Variants in ARHGAP10 observed in about 807,000 individuals in gnomAD.
The protein encoded by ARHGAP10 is rho GTPase-activating protein 10.
A neutral mutation model predicts 108.6 loss-of-function variants in ARHGAP10; 87 were observed. The observed-to-expected ratio is 0.80, with a 90% CI of 0.67 to 0.96. ARHGAP10 has a LOEUF of 0.96. Among genes scored for constraint, ARHGAP10 ranks in the 40% least tolerant of loss-of-function variants. The pLI, the probability that ARHGAP10 is intolerant of heterozygous loss-of-function variation, is 0.00. For missense variants in ARHGAP10, 939 were observed against 954.5 expected, an observed-to-expected ratio of 0.98 and a Z score of 0.21; for synonymous variants, 347 against 341.1, an observed-to-expected ratio of 1.02 and a Z score of -0.19.
intron 18 of ARHGAP10, among the ~76,000 whole-genome samples, chr4:148,021,320 A>C (rs1741560514): frequency 6.6e-6 from 1 of 152,156 alleles, no homozygotes; most frequent in South Asian, 2.1e-4. Context: ...GAGGTGGGGC[A>C]GTTTTCAGCA....
chr4:147,823,690 G>A (rs1459833490), intron 3 of ARHGAP10, among the ~76,000 whole-genome samples: 1 of 152,152 alleles, frequency 6.6e-6, no homozygotes, highest in African/African-American at 2.4e-5. Context: ...CCAGGAGGCT[G>A]AGGTTGCAGT....
At chr4:147,813,281 C>G (rs572444022) in intron 1 of ARHGAP10, among the ~76,000 whole-genome samples, 1 of 152,216 alleles carries the variant, frequency 6.6e-6, no homozygotes, top group African/African-American at 2.4e-5. Flanking sequence ...TACTTCACAG[C>G]TCCTGTGAAG....
At chr4:147,906,157 A>G (rs1283191294) in intron 10 of ARHGAP10, among the ~76,000 whole-genome samples, 3 of 152,156 alleles carry the variant, frequency 2.0e-5, no homozygotes, top group Admixed American at 6.5e-5. Context: ...TGTATATTCC[A>G]TATGAACCAT....
At chr4:147,889,967 GCT>G (rs752941380) in intron 10 of ARHGAP10, among the ~76,000 whole-genome samples, 9 of 152,192 alleles carry the variant, frequency 5.9e-5, no homozygotes, top group Non-Finnish European at 1.3e-4. Context: ...ATATAATCCT[GCT>G]CTCTCGAGCA....
intron 1 of ARHGAP10, among the ~76,000 whole-genome samples, chr4:147,812,546 TG>T (rs1732073465): frequency 6.6e-6 from 1 of 152,048 alleles, no homozygotes. Context: ...CCAGTCTTCC[TG>T]GGAACTGTTC....
At chr4:147,872,970 C>T (rs912094249) in intron 7 of ARHGAP10, among the ~76,000 whole-genome samples, 4 of 151,754 alleles carry the variant, frequency 2.6e-5, no homozygotes, top group African/African-American at 7.3e-5. Context: ...CAGATCTTGT[C>T]GCAGGAGTTG....
chr4:147,859,962 AG>A (rs913857779), intron 5 of ARHGAP10, among the ~76,000 whole-genome samples: 3 of 152,308 alleles, frequency 2.0e-5, no homozygotes, highest in East Asian at 1.9e-4. Flanking sequence ...AGCCCTTAAT[AG>A]GGGGGATGCT....
At chr4:148,042,240 C>CGAA (rs1728664513) in intron 19 of ARHGAP10, among the ~76,000 whole-genome samples, 1 of 152,188 alleles carries the variant, frequency 6.6e-6, no homozygotes, top group Non-Finnish European at 1.5e-5. Flanking sequence ...TCACCCTTCA[C>CGAA]CTTTGTTCAC....
intron 16 of ARHGAP10, among the ~76,000 whole-genome samples, chr4:147,958,918 A>G (rs1738886518): frequency 6.6e-6 from 1 of 152,200 alleles, no homozygotes; most frequent in Non-Finnish European, 1.5e-5. Context: ...TTGTAGTTAC[A>G]CAATTAAAAT....
At chr4:147,915,135 C>T (rs536927093) in intron 13 of ARHGAP10, among the ~76,000 whole-genome samples, 1 of 152,294 alleles carries the variant, frequency 6.6e-6, no homozygotes, top group Admixed American at 6.5e-5. Flanking sequence ...ACCTATGAAA[C>T]TAGTGTGTAG....
intron 4 of ARHGAP10, among the ~76,000 whole-genome samples, chr4:147,852,665 G>A (rs76569727): frequency 7.4e-6 from 1 of 134,692 alleles, no homozygotes; most frequent in Non-Finnish European, 1.6e-5. Flanking sequence ...GTAAACAAAA[G>A]TTTTTATGTC....
At chr4:147,805,409 C>A (rs1731743291) in intron 1 of ARHGAP10, among the ~76,000 whole-genome samples, 2 of 152,152 alleles carry the variant, frequency 1.3e-5, no homozygotes, top group Non-Finnish European at 2.9e-5. Flanking sequence ...AAATGTGATA[C>A]CTCCAGCTTT....
At chr4:147,787,603 A>G (rs1290098661) in intron 1 of ARHGAP10, among the ~76,000 whole-genome samples, 1 of 152,160 alleles carries the variant, frequency 6.6e-6, no homozygotes, top group Admixed American at 6.5e-5. Context: ...TGGGATTAGA[A>G]TGAGAAAAAC....
intron 1 of ARHGAP10, among the ~76,000 whole-genome samples, chr4:147,788,132 T>A (rs1461257768): frequency 6.7e-5 from 1 of 14,902 alleles, no homozygotes; most frequent in Non-Finnish European, 3.4e-4. Context: ...TTTAAAAAAT[T>A]TGATTTTTTT....
At chr4:147,867,390 A>G (rs972121312) in intron 7 of ARHGAP10, among the ~76,000 whole-genome samples, 1 of 152,176 alleles carries the variant, frequency 6.6e-6, no homozygotes, top group African/African-American at 2.4e-5. Context: ...TCTCAGTGCT[A>G]GTTGATCCTG....
At chr4:148,046,321 G>A (rs930026552) in intron 19 of ARHGAP10, among the ~76,000 whole-genome samples, 1 of 152,100 alleles carries the variant, frequency 6.6e-6, no homozygotes, top group African/African-American at 2.4e-5. Context: ...TACCACAAAA[G>A]CCTAACTCTC....
Position 147,888,048 on chromosome 4 carries a change from A to G in ARHGAP10, c.1034+6116A>G, listed in dbSNP as rs17024085. Among the ~76,000 whole-genome samples the G allele has an allele frequency of 6.1e-3, 929 of 151,910 alleles. 14 individuals are homozygous for G. The highest frequency in any genetic ancestry group is 0.047 in the South Asian group (227 of 4,800). ...CCTCGCAGCATCCCTGACATTGCCCATCACTCTCTCCTCCATCATACACTT... is the reference window on the plus strand; with the variant it reads ...CCTCGCAGCATCCCTGACATTGCCCGTCACTCTCTCCTCCATCATACACTT... On this transcript the variant is annotated intron_variant, in intron 10 of 22. Transcript: ENST00000336498.
intron 18 of ARHGAP10, among the ~76,000 whole-genome samples, chr4:147,983,500 A>G (rs1739913501): frequency 6.9e-6 from 1 of 144,162 alleles, no homozygotes; most frequent in Non-Finnish European, 1.5e-5. Context: ...ATTTTTTAAA[A>G]TTCTTTTTTT....
chr4:147,885,642 A>T (rs1042401475), intron 10 of ARHGAP10, among the ~76,000 whole-genome samples: 1 of 152,164 alleles, frequency 6.6e-6, no homozygotes, highest in Admixed American at 6.5e-5. Flanking sequence ...GCAGCATTTG[A>T]TTTGTTATTC....
Sources: gnomAD v4.1 joint callset for allele counts (sites outside exome capture counted in the v4.1 genomes callset) on GRCh38, gnomAD v4.1.1 for gene constraint, MANE v1.5 for transcripts, NCBI Gene and HGNC (gene_info 2026-07-23, HGNC 2026-07-21) for gene names.